Variants in TCF4 observed in about 807,000 individuals in gnomAD.
TCF4 encodes transcription factor 4.
TCF4 carries 3 observed loss-of-function variants against 82.1 expected under a neutral mutation model. The observed-to-expected ratio is 0.04, with a 90% CI of 0.02 to 0.09. TCF4 has a LOEUF of 0.09. TCF4 is among the 10% of genes least tolerant of loss of function. The pLI is 1.00. For missense variants in TCF4, 518 were observed against 852.7 expected (o/e 0.61, Z 4.89); for synonymous variants, 276 against 309.6 (o/e 0.89, Z 1.14).
chr18:55,434,419 C>CT (rs765165999), intron 5 of TCF4, among the ~76,000 whole-genome samples: 67,763 of 116,198 alleles, frequency 0.58, 21,757 homozygotes, highest in Non-Finnish European at 0.67. Context: ...ACAGGACATT[C>CT]TTTTTTTTTT....
chr18:55,513,225 G>T (rs2146327933), intron 3 of TCF4, among the ~76,000 whole-genome samples: 1 of 152,230 alleles, frequency 6.6e-6, no homozygotes, highest in African/African-American at 2.4e-5. Flanking sequence ...TCCTTTTACT[G>T]GACAGTGATT....
intron 9 of TCF4, among the ~76,000 whole-genome samples, chr18:55,278,303 G>A (rs777105864): frequency 4.6e-5 from 7 of 152,088 alleles, no homozygotes; most frequent in South Asian, 2.1e-4. Flanking sequence ...CCCATGGCCC[G>A]TAGACAAGGC....
At chr18:55,444,192 C>T (rs2095487982) in intron 5 of TCF4, among the ~76,000 whole-genome samples, 1 of 152,174 alleles carries the variant, frequency 6.6e-6, no homozygotes, top group Non-Finnish European at 1.5e-5. Context: ...GATGTGGAAG[C>T]CCTGGATGTA....
At position 55,318,398 on chromosome 18, in the gene TCF4, T is replaced by G. The variant is rs552432780; in HGVS notation, c.549+31961A>C. ...TCCAACACAAAATAAGCTACTGATTTTCTCTGCAAAAAAAAATCTGTTTCG... is the reference window on the plus strand; with the variant it reads ...TCCAACACAAAATAAGCTACTGATTGTCTCTGCAAAAAAAAATCTGTTTCG... On this transcript the variant is annotated intron_variant, in intron 8 of 19. Coordinates refer to ENST00000354452, the MANE Select transcript of TCF4 (RefSeq NM_001083962.2). 6.6e-5 allele frequency among the ~76,000 whole-genome samples: 10 copies of G among 152,154 alleles called. No homozygotes were observed. The South Asian group carries it at 2.1e-3, about 32-fold the overall frequency.
At chr18:55,233,297 A>C (rs1248392259) in intron 16 of TCF4, among the ~76,000 whole-genome samples, 1 of 152,232 alleles carries the variant, frequency 6.6e-6, no homozygotes, top group Non-Finnish European at 1.5e-5. Flanking sequence ...AGGTAGAAGC[A>C]TATCTGTCAA....
chr18:55,413,119 A>G (rs2094411622), intron 5 of TCF4, among the ~76,000 whole-genome samples: 2 of 152,176 alleles, frequency 1.3e-5, no homozygotes, highest in Non-Finnish European at 2.9e-5. Context: ...AAACTACATC[A>G]AAAGAATGGG....
In TCF4 at chr18:55,601,554, C is replaced by A. The variant is rs750093315; in HGVS notation, c.287-14418G>T. Among the ~76,000 whole-genome samples the A allele has an allele frequency of 6.8e-4, 103 of 151,986 alleles. 1 individual carries two copies. Among genetic ancestry groups the A allele is most frequent in the Non-Finnish European group, 6.6e-4 (45 of 68,020 alleles). ...ATCCCAGCACTTTGGGAGGCCAAGG[C>A]GGGCAGATCACTTGAGGTCAGGAGT... is the stretch of plus-strand genomic sequence containing the variant. On this transcript the variant is annotated intron_variant, in intron 2 of 20. Transcript: ENST00000398339.
At chr18:55,415,561 G>A (rs1031924279) in intron 5 of TCF4, among the ~76,000 whole-genome samples, 1 of 152,194 alleles carries the variant, frequency 6.6e-6, no homozygotes, top group Non-Finnish European at 1.5e-5. Context: ...GGGAGGAGGG[G>A]TACAGTCAGC....
At chr18:55,581,377 C>G in intron 3 of TCF4, among the ~76,000 whole-genome samples, 1 of 152,040 alleles carries the variant, frequency 6.6e-6, no homozygotes, top group East Asian at 1.9e-4. Context: ...GGCAACATTT[C>G]TAATGGGTTT....
intron 3 of TCF4, among the ~76,000 whole-genome samples, chr18:55,538,977 C>A (rs1430317633): frequency 1.3e-5 from 2 of 151,612 alleles, no homozygotes; most frequent in East Asian, 1.9e-4. Context: ...CTAGTCTCAG[C>A]AATATGATGG....
chr18:55,515,988 T>C (rs1782772916), intron 3 of TCF4, among the ~76,000 whole-genome samples: 1 of 152,130 alleles, frequency 6.6e-6, no homozygotes, highest in African/African-American at 2.4e-5. Context: ...GTAACAGCTA[T>C]TGAGACTAGC....
At chr18:55,533,127 T>C (rs1340438191) in intron 3 of TCF4, among the ~76,000 whole-genome samples, 1 of 152,132 alleles carries the variant, frequency 6.6e-6, no homozygotes, top group African/African-American at 2.4e-5. Context: ...TGTTTAACTA[T>C]CCTTAATATA....
intron 3 of TCF4, among the ~76,000 whole-genome samples, chr18:55,464,408 T>C (rs2095957260): frequency 6.6e-6 from 1 of 152,254 alleles, no homozygotes; most frequent in East Asian, 1.9e-4. Context: ...TCAGTCTTTA[T>C]AGATGTGAAA....
chr18:55,305,633 G>C (rs2070035615), intron 8 of TCF4, among the ~76,000 whole-genome samples: 1 of 152,066 alleles, frequency 6.6e-6, no homozygotes. Context: ...AGACAAGAAT[G>C]GTATATACAC....
chr18:55,623,635 G>C (rs1452585997), intron 2 of TCF4, among the ~76,000 whole-genome samples: 1 of 152,118 alleles, frequency 6.6e-6, no homozygotes, highest in Non-Finnish European at 1.5e-5. Flanking sequence ...AATTTGTTTG[G>C]TAGTGGATCG....
At chr18:55,453,365 T>A (rs2095664689) in intron 5 of TCF4, among the ~76,000 whole-genome samples, 1 of 152,218 alleles carries the variant, frequency 6.6e-6, no homozygotes, top group South Asian at 2.1e-4. Flanking sequence ...AGAAAAATTA[T>A]TCTTAAGCCA....
At chr18:55,504,823 C>CA (rs1317002762) in intron 3 of TCF4, among the ~76,000 whole-genome samples, 1 of 152,146 alleles carries the variant, frequency 6.6e-6, no homozygotes, top group African/African-American at 2.4e-5. Flanking sequence ...TAAAACAAAA[C>CA]AGACAACCTC....
At chr18:55,587,918 C>A (rs1365282961) in intron 1 of TCF4, 120 bp downstream of exon 1, 1 of 848,142 alleles carries the variant, frequency 1.2e-6, no homozygotes, top group Middle Eastern at 6.0e-4. Flanking sequence ...CTTCTGGGAG[C>A]GCCGGGCGCC....
intron 6 of TCF4, among the ~76,000 whole-genome samples, chr18:55,366,720 T>A (rs1442718981): frequency 6.6e-6 from 1 of 152,242 alleles, no homozygotes; most frequent in Non-Finnish European, 1.5e-5. Context: ...CACAGCCAGT[T>A]TGTCCAAACC....
Sources: gnomAD v4.1 joint callset for allele counts (sites outside exome capture counted in the v4.1 genomes callset) on GRCh38, gnomAD v4.1.1 for gene constraint, MANE v1.5 for transcripts, NCBI Gene and HGNC (gene_info 2026-07-23, HGNC 2026-07-21) for gene names.